The following BRIP1 variants were observed in gnomAD, a reference collection of about 807,000 sequenced individuals.
The protein encoded by BRIP1 is Fanconi anemia group J protein.
In BRIP1, 88 loss-of-function variants were observed where a neutral mutation model predicts 119.7. That is an observed-to-expected ratio of 0.74 (90% CI 0.62 to 0.88). BRIP1 has a LOEUF of 0.88. BRIP1 is among the 40% of genes least tolerant of loss of function. The pLI is 0.00. For missense variants in BRIP1, 1,259 were observed against 1,455.4 expected (o/e 0.87, Z 2.20); for synonymous variants, 443 against 496.5 (o/e 0.89, Z 1.43).
rs777511615 is a variant in BRIP1, at chr17:61,801,284, T to C, written c.1109A>G (p.Asn370Ser). ...CCTTATTTGTGCATCTAGAAGATAG[T>C]TGTAGGGACAAAATATGATGTCAGC... ...QDADIIFCPY[N>S]YLLDAQIRES... The change falls in exon 8 of 20, where the codon AAC becomes AGC. Residue 370 changes from asparagine (N) to serine (S), a missense_variant. Physicochemically the swap from Asn to Ser is conservative, Grantham distance 46 (BLOSUM62 1). Around this residue, in one of 3 missense-constraint regions of BRIP1, gnomAD observed 501 missense variants for 544.0 expected, o/e 0.92. Coordinates refer to ENST00000259008, the MANE Select transcript of BRIP1 (RefSeq NM_032043.3). 1.2e-6 allele frequency: 2 copies of C among 1,613,858 alleles called. No individual in the cohort carries two copies. The highest frequency in any genetic ancestry group is 1.3e-5 in the African/African-American group (1 of 74,918).
At position 61,825,603 on chromosome 17, in the gene BRIP1, A is replaced by G. The variant is rs2078393821; in HGVS notation, c.628-16846T>C. Among the ~76,000 whole-genome samples, 1 of 150,556 alleles carries G rather than the reference A, an allele frequency of 6.6e-6. No individual in the cohort carries two copies. The highest frequency in any genetic ancestry group is 1.5e-5 in the Non-Finnish European group (1 of 67,818). ...AGCTGAGAGCCAAATCAGGAATGCA[A>G]TCCCATTCACAATTGCCACAAATAA... On this transcript the variant is annotated intron_variant, in intron 6 of 19. Transcript: ENST00000259008. This position sits in a 1 kb window ranked among gnomAD's most constrained non-coding sequence, Gnocchi z 4.1.
In BRIP1 at chr17:61,860,948, T is replaced by C. The variant is rs2145859701; in HGVS notation, c.93+499A>G. Among the ~76,000 whole-genome samples the C allele has an allele frequency of 6.6e-6, 1 of 152,264 alleles. No homozygotes were observed. Among genetic ancestry groups the C allele is most frequent in the Non-Finnish European group, 1.5e-5 (1 of 68,016 alleles). ...ATTCTATATTGTTTATGGATACATA[T>C]ATATGTAATAAAAGTATAAAAACAT... On this transcript the variant is annotated intron_variant, in intron 2 of 19. Coordinates refer to ENST00000259008, the MANE Select transcript of BRIP1 (RefSeq NM_032043.3). The surrounding 1 kb of genome is among the most constrained non-coding windows in gnomAD (Gnocchi z 4.1).
At chr17:61,812,188 C>T (rs1056493280) in intron 6 of BRIP1, among the ~76,000 whole-genome samples, 1 of 152,100 alleles carries the variant, frequency 6.6e-6, no homozygotes, top group Non-Finnish European at 1.5e-5. Context: ...TATGGCCTCT[C>T]TCTGAAACCC....
chr17:61,721,165 G>C (rs1034437974), intron 16 of BRIP1, among the ~76,000 whole-genome samples: 1 of 148,748 alleles, frequency 6.7e-6, no homozygotes, highest in East Asian at 2.0e-4. Context: ...TTAAATAAAA[G>C]AACATGCTTT....
chr17:61,817,423 A>T (rs1267942292), intron 6 of BRIP1, among the ~76,000 whole-genome samples: 1 of 152,222 alleles, frequency 6.6e-6, no homozygotes, highest in South Asian at 2.1e-4. Flanking sequence ...TTTTAAAATG[A>T]GAAAACAATG....
intron 11 of BRIP1, 63 bp downstream of exon 11, chr17:61,784,207 C>T (rs2145133341): frequency 6.8e-7 from 1 of 1,472,220 alleles, no homozygotes; most frequent in Non-Finnish European, 9.5e-7. Flanking sequence ...GTATTAAACA[C>T]ATGCTAGCAT....
rs544663732 is a variant in BRIP1 at position 61,804,887 on chromosome 17, G to A, written c.919-3413C>T. 2.0e-5 allele frequency among the ~76,000 whole-genome samples: 3 copies of A among 151,726 alleles called. No individual in the cohort carries two copies. The highest frequency in any genetic ancestry group is 1.9e-4 in the East Asian group (1 of 5,132). ...TAAAAGATTTCATTACAGGCTGAGC[G>A]CACTGGCTCATGCTTATAATCCTAA... On this transcript the variant is annotated intron_variant, in intron 7 of 19. Coordinates refer to ENST00000259008, the MANE Select transcript of BRIP1 (RefSeq NM_032043.3). This position sits in a 1 kb window ranked among gnomAD's most constrained non-coding sequence, Gnocchi z 4.5.
At position 61,804,754 on chromosome 17, in the gene BRIP1, T is replaced by A. The variant is rs1225763171; in HGVS notation, c.919-3280A>T. 6.6e-6 allele frequency among the ~76,000 whole-genome samples: 1 copy of A among 151,798 alleles called. No individual in the cohort carries two copies. Among genetic ancestry groups the A allele is most frequent in the African/African-American group, 2.4e-5 (1 of 41,382 alleles). On this transcript the variant is annotated intron_variant, in intron 7 of 19. Coordinates refer to ENST00000259008, the MANE Select transcript of BRIP1 (RefSeq NM_032043.3). This position sits in a 1 kb window ranked among gnomAD's most constrained non-coding sequence, Gnocchi z 4.5. ...TCAAAATATTTTTGTCTAATAATTA[T>A]TAAAATTATAAAATATAAAAATAAT...
At chr17:61,784,627 G>A (rs1490199262) in intron 10 of BRIP1, among the ~76,000 whole-genome samples, 4 of 152,182 alleles carry the variant, frequency 2.6e-5, no homozygotes, top group Non-Finnish European at 4.4e-5. Context: ...CAGGAGGTTT[G>A]GGACCATGGG....
chr17:61,772,537 G>A (rs2144981084), intron 14 of BRIP1, among the ~76,000 whole-genome samples: 1 of 152,146 alleles, frequency 6.6e-6, no homozygotes, highest in Middle Eastern at 3.4e-3. Context: ...AAAATGCTAA[G>A]GCCGAACGCA....
Position 61,682,114 on chromosome 17 carries a change from G to A in BRIP1, c.*1182C>T, listed in dbSNP as rs937834208. The A allele has an allele frequency of 4.9e-6, 1 of 203,830 alleles. No individual in the cohort carries two copies. The highest frequency in any genetic ancestry group is 2.3e-5 in the African/African-American group (1 of 43,722). The allele number at this position is 203,830 out of a possible 1,614,324, so 12.6% of individuals were successfully genotyped here. A position where few individuals can be genotyped will look rare whatever the true frequency, so the allele number is the denominator to read the frequency against. ...AAACAAGGTCAAAATTCACAGAAAG[G>A]ATTACTGTGCCCTAAGGAAACATAT... On this transcript the variant is annotated 3_prime_UTR_variant, in exon 20 of 20. Coordinates refer to ENST00000259008, the MANE Select transcript of BRIP1 (RefSeq NM_032043.3). The surrounding 1 kb of genome is among the most constrained non-coding windows in gnomAD (Gnocchi z 4.9).
At position 61,824,268 on chromosome 17, in the gene BRIP1, C is replaced by G. The variant is rs1315125199; in HGVS notation, c.628-15511G>C. Among the ~76,000 whole-genome samples, 2 of 151,950 alleles carry G rather than the reference C, an allele frequency of 1.3e-5. No homozygotes were observed. The highest frequency in any genetic ancestry group is 2.9e-5 in the Non-Finnish European group (2 of 68,028). On this transcript the variant is annotated intron_variant, in intron 6 of 19. Transcript: ENST00000259008. The surrounding 1 kb of genome is among the most constrained non-coding windows in gnomAD (Gnocchi z 4.3). Reference sequence around the variant, plus strand: ...TGTGTTTCAAAACAAAGCGACGGTTCCTATCAATAACCCAATGAAGTTTCT... The same window carrying G: ...TGTGTTTCAAAACAAAGCGACGGTTGCTATCAATAACCCAATGAAGTTTCT...
At chr17:61,812,669 T>C (rs1208534061) in intron 6 of BRIP1, among the ~76,000 whole-genome samples, 1 of 151,490 alleles carries the variant, frequency 6.6e-6, no homozygotes, top group Non-Finnish European at 1.5e-5. Flanking sequence ...CAGTAGCCAA[T>C]TGTTTAAAAA....
At position 61,701,350 on chromosome 17, in the gene BRIP1, G is replaced by A. The variant is rs2061610691; in HGVS notation, c.2493-7838C>T. Among the ~76,000 whole-genome samples, 1 of 152,178 alleles carries A rather than the reference G, an allele frequency of 6.6e-6. No homozygotes were observed. The highest frequency in any genetic ancestry group is 2.4e-5 in the African/African-American group (1 of 41,440). On this transcript the variant is annotated intron_variant, in intron 17 of 19. Coordinates refer to ENST00000259008, the MANE Select transcript of BRIP1 (RefSeq NM_032043.3). The surrounding 1 kb of genome is among the most constrained non-coding windows in gnomAD (Gnocchi z 5.1). ...TCTTGTAAAGTCTGTATTGTCATGT[G>A]TGGTCATTGAAGACTGCTCGATTAA...
chr17:61,707,472 A>G (rs1430279582), intron 17 of BRIP1, among the ~76,000 whole-genome samples: 1 of 151,936 alleles, frequency 6.6e-6, no homozygotes, highest in Admixed American at 6.6e-5. Flanking sequence ...TTTCTTTGAG[A>G]TGTTTCTTTC....
In BRIP1 at chr17:61,743,159, C is replaced by A. The variant is rs1170537268; in HGVS notation, c.2258-25G>T. The A allele has an allele frequency of 6.2e-7, 1 of 1,612,968 alleles. No homozygotes were observed. The highest frequency in any genetic ancestry group is 1.1e-5 in the South Asian group (1 of 91,024). On this transcript the variant is annotated intron_variant, in intron 15 of 19. Transcript: ENST00000259008. This position sits in a 1 kb window ranked among gnomAD's most constrained non-coding sequence, Gnocchi z 4.3. ...TCTTAAACAACAGAAAAAAGCATAT[C>A]CAAAATTCTCAGAAATTGCTTATTC...
chr17:61,801,205 C>T (rs2145329786), intron 8 of BRIP1, 48 bp downstream of exon 8: 2 of 1,519,186 alleles, frequency 1.3e-6, no homozygotes, highest in Non-Finnish European at 1.8e-6. Context: ...TCAACATTTA[C>T]ATCTCCATGA....
intron 6 of BRIP1, among the ~76,000 whole-genome samples, chr17:61,826,076 T>C (rs1452195088): frequency 6.6e-6 from 1 of 151,868 alleles, no homozygotes; most frequent in African/African-American, 2.4e-5. Context: ...TGAAACAGAA[T>C]AGAGAGCCCA....
intron 14 of BRIP1, among the ~76,000 whole-genome samples, chr17:61,773,654 C>T (rs1370451243): frequency 1.3e-5 from 2 of 151,798 alleles, no homozygotes; most frequent in Non-Finnish European, 2.9e-5. Context: ...CCCATCCCTA[C>T]AGAATGGGAG....
Sources: allele counts gnomAD v4.1 joint callset (sites outside exome capture counted in the v4.1 genomes callset), GRCh38; gene constraint gnomAD v4.1.1; regional missense constraint gnomAD v4.1.1; non-coding constraint Gnocchi (gnomAD v3.1); transcripts MANE v1.5; gene names NCBI Gene and HGNC (gene_info 2026-07-23, HGNC 2026-07-21).